The following RNF150 variants were observed in gnomAD, a reference collection of about 807,000 sequenced individuals.
RNF150 encodes the protein ring finger protein 150.
Under a neutral mutation model 39.3 loss-of-function variants are expected in RNF150, and 24 were observed. The observed-to-expected ratio is 0.61, with a 90% CI of 0.44 to 0.86. The LOEUF (loss-of-function observed/expected upper bound fraction) is 0.86, where lower values mean the gene tolerates loss of function less well. Ranked by LOEUF, RNF150 falls within the 40% of genes least tolerant of loss-of-function variation. The pLI is 0.00. For missense variants in RNF150, 502 were observed against 587.8 expected, an observed-to-expected ratio of 0.85 and a Z score of 1.51; for synonymous variants, 255 against 227.3, an observed-to-expected ratio of 1.12 and a Z score of -1.10.
intron 5 of RNF150, among the ~76,000 whole-genome samples, chr4:140,922,645 A>C (rs927031842): frequency 8.6e-5 from 13 of 151,596 alleles, no homozygotes; most frequent in African/African-American, 2.9e-4. Context: ...GAACCAAAAA[A>C]GAGCCCGCAT....
Position 141,038,429 on chromosome 4 carries a change from C to T in RNF150, c.485-70556G>A, listed in dbSNP as rs1736229483. 5.9e-5 allele frequency among the ~76,000 whole-genome samples: 9 copies of T among 152,240 alleles called. No homozygotes were observed. The South Asian group carries it at 1.9e-3, about 32-fold the overall frequency. ...TCTCGACCGGGCATGGTGGCTCATG[C>T]CTGTAATCCCAGCACTTTGGGAGGC... On this transcript the variant is annotated intron_variant, in intron 1 of 6. Transcript: ENST00000515673.
At chr4:141,199,188 G>T (rs2111213843) in intron 1 of RNF150, among the ~76,000 whole-genome samples, 1 of 152,228 alleles carries the variant, frequency 6.6e-6, no homozygotes, top group South Asian at 2.1e-4. Flanking sequence ...ACACCTATTA[G>T]AATGTCTAAA....
intron 1 of RNF150, among the ~76,000 whole-genome samples, chr4:141,192,024 C>A (rs1022189723): frequency 1.3e-5 from 2 of 152,166 alleles, no homozygotes; most frequent in Admixed American, 6.5e-5. Flanking sequence ...ATGAATTGGG[C>A]TTTCTCCCTT....
intron 1 of RNF150, among the ~76,000 whole-genome samples, chr4:141,185,173 T>C (rs1313439668): frequency 2.6e-5 from 4 of 152,160 alleles, no homozygotes; most frequent in South Asian, 4.1e-4. Flanking sequence ...ATGGAATGTT[T>C]TTCCACTTGT....
At chr4:141,080,055 GA>G (rs11328531) in intron 1 of RNF150, among the ~76,000 whole-genome samples, 112,296 of 151,414 alleles carry the variant, frequency 0.74, 42,364 homozygotes, top group East Asian at 1. Context: ...CTGAAAAGTG[GA>G]AAAAAAAAAT....
At chr4:141,005,875 C>A (rs1734846963) in intron 1 of RNF150, among the ~76,000 whole-genome samples, 1 of 132,606 alleles carries the variant, frequency 7.5e-6, no homozygotes, top group African/African-American at 2.9e-5. Flanking sequence ...GAGACCATCC[C>A]GGCTAAAACG....
chr4:141,157,038 A>C (rs965548279), intron 1 of RNF150, among the ~76,000 whole-genome samples: 2 of 152,210 alleles, frequency 1.3e-5, no homozygotes, highest in Admixed American at 6.5e-5. Context: ...CAGAATTCAC[A>C]ACTAAAAGTT....
At chr4:141,067,266 AT>A (rs1386938344) in intron 1 of RNF150, among the ~76,000 whole-genome samples, 14 of 152,218 alleles carry the variant, frequency 9.2e-5, no homozygotes, top group Non-Finnish European at 1.9e-4. Context: ...AAAAACTACC[AT>A]TTTGCAAGAA....
intron 2 of RNF150, among the ~76,000 whole-genome samples, chr4:140,961,815 AC>A (rs1439247667): frequency 6.6e-6 from 1 of 151,978 alleles, no homozygotes; most frequent in African/African-American, 2.4e-5. Flanking sequence ...AACCCCATGA[AC>A]CACTTTCATA....
In RNF150 at chr4:141,096,190, C is replaced by CTTTTTTTTTTTT. The variant is rs780868429; in HGVS notation, c.484+36123_484+36134dup. On this transcript the variant is annotated intron_variant, in intron 1 of 6. Transcript: ENST00000515673. ...AATACCAAGGAGAGTTTTTAGCTTT[C>CTTTTTTTTTTTT]TTTTTTTTTTTTTTTTTTTTTTTTT... Among the ~76,000 whole-genome samples, 19 of 67,982 alleles carry CTTTTTTTTTTTT rather than the reference C, an allele frequency of 2.8e-4. 2 individuals carry two copies. The highest frequency in any genetic ancestry group is 1.3e-3 in the African/African-American group (18 of 14,240). The allele number at this position is 67,982 out of a possible 152,430, so 44.6% of individuals were successfully genotyped here. A position where few individuals can be genotyped will look rare whatever the true frequency, so the allele number is the denominator to read the frequency against.
chr4:141,046,096 G>C (rs1254751897), intron 1 of RNF150, among the ~76,000 whole-genome samples: 1 of 152,048 alleles, frequency 6.6e-6, no homozygotes, highest in African/African-American at 2.4e-5. Context: ...ACATATAGAA[G>C]ATGGACAGAA....
chr4:140,917,899 G>T (rs567287308), intron 5 of RNF150, among the ~76,000 whole-genome samples: 1 of 151,804 alleles, frequency 6.6e-6, no homozygotes, highest in Non-Finnish European at 1.5e-5. Flanking sequence ...ACTCAAAACC[G>T]CTCCACTACA....
At chr4:141,149,967 T>C (rs1328188733) in intron 1 of RNF150, among the ~76,000 whole-genome samples, 1 of 152,204 alleles carries the variant, frequency 6.6e-6, no homozygotes, top group East Asian at 1.9e-4. Context: ...TGGACCAGCA[T>C]TTCTGACTGC....
At chr4:140,993,311 C>T (rs879265088) in intron 1 of RNF150, among the ~76,000 whole-genome samples, 3 of 152,146 alleles carry the variant, frequency 2.0e-5, no homozygotes, top group Admixed American at 2.0e-4. Flanking sequence ...CTGCTTCCTT[C>T]ATCATCTCTT....
chr4:140,897,587 G>A (rs1730010668), intron 6 of RNF150, among the ~76,000 whole-genome samples: 1 of 152,180 alleles, frequency 6.6e-6, no homozygotes, highest in African/African-American at 2.4e-5. Flanking sequence ...TACTCCATGT[G>A]TGACCTCTGA....
chr4:140,887,962 G>A (rs1316876992), intron 6 of RNF150, among the ~76,000 whole-genome samples: 1 of 152,156 alleles, frequency 6.6e-6, no homozygotes, highest in Non-Finnish European at 1.5e-5. Context: ...CTCTTATTAT[G>A]CTGGCATCAT....
At chr4:141,071,034 A>G (rs933080258) in intron 1 of RNF150, among the ~76,000 whole-genome samples, 2 of 127,204 alleles carry the variant, frequency 1.6e-5, no homozygotes, top group African/African-American at 5.8e-5. Context: ...CATATACACC[A>G]TGGAATACTA....
chr4:141,004,378 A>C (rs1454905866), intron 1 of RNF150, among the ~76,000 whole-genome samples: 1 of 152,232 alleles, frequency 6.6e-6, no homozygotes, highest in East Asian at 1.9e-4. Context: ...AGAAATTGAC[A>C]CTAAAGCTGA....
chr4:141,132,271 T>A lies in RNF150; in HGVS notation c.484+54A>T. 6.5e-7 allele frequency: 1 copy of A among 1,540,560 alleles called. No individual in the cohort carries two copies. Among genetic ancestry groups the A allele is most frequent in the Non-Finnish European group, 8.8e-7 (1 of 1,138,760 alleles). ...CCTGGAGGCAGGCGCTGGATCCCTC[T>A]AGGCACCTCCGTCCCCGCCGGCTCC... On this transcript the variant is annotated intron_variant, in intron 1 of 6. Coordinates refer to ENST00000515673, the MANE Select transcript of RNF150 (RefSeq NM_020724.2). This position sits in a 1 kb window ranked among gnomAD's most constrained non-coding sequence, Gnocchi z 4.9.
Sources: gnomAD v4.1 joint callset for allele counts (sites outside exome capture counted in the v4.1 genomes callset) on GRCh38, gnomAD v4.1.1 for gene constraint, Gnocchi (gnomAD v3.1) non-coding constraint, MANE v1.5 for transcripts, NCBI Gene and HGNC (gene_info 2026-07-23, HGNC 2026-07-21) for gene names.